SIDT1: variants seen among roughly 807,000 people sequenced by gnomAD.
The protein encoded by SIDT1 is SID1 transmembrane family member 1, also known as SID1 transmembrane family, member 1.
SIDT1 carries 101 observed loss-of-function variants against 107.5 expected under a neutral mutation model. That is an observed-to-expected ratio of 0.94 (90% CI 0.80 to 1.11). The LOEUF is 1.11. Ranked by LOEUF, SIDT1 falls within the 50% of genes least tolerant of loss-of-function variation. SIDT1 has a pLI of 0.00. For synonymous variants in SIDT1, 395 were observed against 398.2 expected (o/e 0.99, Z 0.10); for missense variants, 1,076 against 1,058.2 (o/e 1.02, Z -0.23).
At chr3:113,556,777 A>T (rs7611694) in intron 1 of SIDT1, among the ~76,000 whole-genome samples, 2 of 149,632 alleles carry the variant, frequency 1.3e-5, no homozygotes, top group African/African-American at 2.5e-5. Context: ...CAGAGCTGTA[A>T]GTTAGTCTGT....
chr3:113,603,250 G>A, intron 12 of SIDT1, 100 bp downstream of exon 12: 1 of 1,278,208 alleles, frequency 7.8e-7, no homozygotes, highest in Non-Finnish European at 1.1e-6. Context: ...GTTTCCTTCA[G>A]GGAAACCCAA....
intron 17 of SIDT1, among the ~76,000 whole-genome samples, chr3:113,608,980 G>A (rs1027826046): frequency 1.3e-5 from 2 of 151,598 alleles, no homozygotes; most frequent in Non-Finnish European, 2.9e-5. Flanking sequence ...TCAATTAAGA[G>A]CAAGGAAGTT....
chr3:113,553,381 C>T (rs1940489885), intron 1 of SIDT1, among the ~76,000 whole-genome samples: 1 of 152,074 alleles, frequency 6.6e-6, no homozygotes, highest in African/African-American at 2.4e-5. Flanking sequence ...TGTCAGATCA[C>T]AACACTTACA....
chr3:113,616,103 T>C lies in SIDT1; in HGVS notation c.1970T>C (p.Leu657Ser), dbSNP rs755554520. 1.5e-5 allele frequency: 24 copies of C among 1,612,868 alleles called. No homozygotes were observed. The highest frequency in any genetic ancestry group is 4.0e-5 in the African/African-American group (3 of 74,922). Residue 657 changes from leucine (L) to serine (S), a missense_variant, in exon 20 of 25, where the codon TTG becomes TCG. Physicochemically the swap from Leu to Ser is moderately radical, Grantham distance 145. Transcript: ENST00000264852. ...IYYMGRFKID[L>S]GIFRRAAMVF... ...CATGCATTTGTATTATCAGCAGATT[T>C]GGGAATTTTCCGGCGGGCTGCCATG...
At chr3:113,605,518 T>C (rs1325341385) in intron 14 of SIDT1, among the ~76,000 whole-genome samples, 1 of 152,194 alleles carries the variant, frequency 6.6e-6, no homozygotes, top group Non-Finnish European at 1.5e-5. Flanking sequence ...TGTCTACCAG[T>C]CTGAAAGTAT....
intron 10 of SIDT1, among the ~76,000 whole-genome samples, chr3:113,595,160 C>T (rs541869460): frequency 4.3e-4 from 66 of 152,318 alleles, no homozygotes; most frequent in African/African-American, 1.5e-3. Context: ...ATATTATTGA[C>T]ATCATAGGCC....
At chr3:113,555,454 G>A (rs879342104) in intron 1 of SIDT1, among the ~76,000 whole-genome samples, 7 of 152,184 alleles carry the variant, frequency 4.6e-5, no homozygotes, top group African/African-American at 7.2e-5. Context: ...ATTGAACAAA[G>A]TTCATCATAA....
the SIDT1 span, among the ~76,000 whole-genome samples, chr3:113,636,430 AG>A: frequency 1.3e-5 from 2 of 152,196 alleles, no homozygotes; most frequent in Non-Finnish European, 2.9e-5. Flanking sequence ...AAATATTTAA[AG>A]TGAATTTGCA....
chr3:113,594,683 T>C (rs1944410599), intron 10 of SIDT1, among the ~76,000 whole-genome samples: 1 of 152,030 alleles, frequency 6.6e-6, no homozygotes, highest in African/African-American at 2.4e-5. Flanking sequence ...GAGCTGGAGG[T>C]ACCCTTCTGA....
At chr3:113,584,306 A>T (rs73855948) in intron 7 of SIDT1, among the ~76,000 whole-genome samples, 1,586 of 152,328 alleles carry the variant, frequency 0.01, 14 homozygotes, top group African/African-American at 0.027. Flanking sequence ...AGAGGGAAAA[A>T]TTTGCACTGG....
At position 113,552,263 on chromosome 3, in the gene SIDT1, A is replaced by C. The variant is rs187530279; in HGVS notation, c.223-14157A>C. On this transcript the variant is annotated intron_variant, in intron 1 of 24. Coordinates refer to ENST00000264852, the MANE Select transcript of SIDT1 (RefSeq NM_017699.3). ...GGGGAGGAAGAATTATAGCTTTCTAAGAGTCAGACAATGTTCCTCTGGTTA... is the reference window on the plus strand; with the variant it reads ...GGGGAGGAAGAATTATAGCTTTCTACGAGTCAGACAATGTTCCTCTGGTTA... Among the ~76,000 whole-genome samples, 683 of 152,244 alleles carry C rather than the reference A, an allele frequency of 4.5e-3. 16 individuals are homozygous for C. The highest frequency in any genetic ancestry group is 5.4e-3 in the East Asian group (28 of 5,192).
intron 17 of SIDT1, among the ~76,000 whole-genome samples, chr3:113,609,525 G>C (rs1399405600): frequency 6.6e-6 from 1 of 152,208 alleles, no homozygotes; most frequent in Non-Finnish European, 1.5e-5. Context: ...GGCTGAGACA[G>C]TGTGCATTTC....
At chr3:113,538,134 C>T (rs1938401602) in intron 1 of SIDT1, among the ~76,000 whole-genome samples, 1 of 152,134 alleles carries the variant, frequency 6.6e-6, no homozygotes, top group Admixed American at 6.6e-5. Flanking sequence ...CTCCTGTGAC[C>T]CAATTACTTT....
At chr3:113,612,429 C>T (rs1271663277) in intron 19 of SIDT1, 1 of 586,774 alleles carries the variant, frequency 1.7e-6, no homozygotes, top group Non-Finnish European at 3.2e-6. Flanking sequence ...GTTTGCCACA[C>T]CTCAGAGATG....
At chr3:113,562,697 G>A (rs1941542457) in intron 1 of SIDT1, among the ~76,000 whole-genome samples, 1 of 152,170 alleles carries the variant, frequency 6.6e-6, no homozygotes, top group Non-Finnish European at 1.5e-5. Flanking sequence ...TCCAGGGACT[G>A]GGGGAAGGAA....
rs1159467195 is a variant in SIDT1, at chr3:113,533,128, G to C, written c.107G>C (p.Arg36Pro). ...TCCCCCAGGCAGCCCCCGGCACCGC[G>C]CCGCGACCCCTTCGACGCTGCCAGG... ...AKSPRQPPAP[R>P]RDPFDAARGA... The change falls in exon 1 of 25, where the codon CGC (arginine) becomes CCC (proline). Residue 36 changes from arginine (R) to proline (P), a missense_variant. Arg to Pro is a moderately radical substitution (Grantham distance 103). Coordinates refer to ENST00000264852, the MANE Select transcript of SIDT1 (RefSeq NM_017699.3). 2.6e-6 allele frequency: 4 copies of C among 1,562,386 alleles called. No homozygotes were observed. Among genetic ancestry groups the C allele is most frequent in the African/African-American group, 2.8e-5 (2 of 71,644 alleles).
intron 1 of SIDT1, among the ~76,000 whole-genome samples, chr3:113,551,365 A>G (rs1940210287): frequency 6.6e-6 from 1 of 152,160 alleles, no homozygotes; most frequent in African/African-American, 2.4e-5. Flanking sequence ...CCACTTAACA[A>G]AGAAGAAAAC....
rs371186142 is a variant in SIDT1 at position 113,564,323 on chromosome 3, T to C, written c.223-2097T>C. On this transcript the variant is annotated intron_variant, in intron 1 of 24. Transcript: ENST00000264852. Reference sequence around the variant, plus strand: ...TGAAATAAAATACATTTGTTAACAATTATTAAAACTGGATGATAAGTACAT... The same window carrying C: ...TGAAATAAAATACATTTGTTAACAACTATTAAAACTGGATGATAAGTACAT... 1.9e-4 allele frequency among the ~76,000 whole-genome samples: 29 copies of C among 152,326 alleles called. No homozygotes were observed. In the East Asian group the frequency reaches 4.2e-3, roughly 22 times the overall value.
intron 3 of SIDT1, among the ~76,000 whole-genome samples, chr3:113,570,157 G>A (rs779414628): frequency 2.6e-5 from 4 of 152,098 alleles, no homozygotes; most frequent in African/African-American, 7.2e-5. Flanking sequence ...CACCCGCCTC[G>A]GCCTCCCAAA....
Sources: gnomAD v4.1 joint callset for allele counts (sites outside exome capture counted in the v4.1 genomes callset) on GRCh38, gnomAD v4.1.1 for gene constraint, MANE v1.5 for transcripts, NCBI Gene and HGNC (gene_info 2026-07-23, HGNC 2026-07-21) for gene names.